Variants in VIRMA observed in about 807,000 individuals in gnomAD.
VIRMA encodes the protein protein virilizer homolog.
VIRMA carries 65 observed loss-of-function variants against 182.4 expected under a neutral mutation model. That is an observed-to-expected ratio of 0.36 (90% CI 0.29 to 0.44). The LOEUF is 0.44. Ranked by LOEUF, VIRMA falls within the 20% of genes least tolerant of loss-of-function variation. VIRMA has a pLI of 1.00. For missense variants in VIRMA, 1,752 were observed against 2,158.1 expected, an observed-to-expected ratio of 0.81 and a Z score of 3.73; for synonymous variants, 709 against 743.1, an observed-to-expected ratio of 0.95 and a Z score of 0.75.
At chr8:94,532,043 T>C (rs1053052885) in intron 5 of VIRMA, among the ~76,000 whole-genome samples, 11 of 152,160 alleles carry the variant, frequency 7.2e-5, no homozygotes, top group African/African-American at 2.7e-4. Context: ...AATAGGGCTA[T>C]AAAGGGGTAA....
intron 7 of VIRMA, among the ~76,000 whole-genome samples, chr8:94,528,747 T>G (rs1372112257): frequency 6.6e-6 from 1 of 152,202 alleles, no homozygotes; most frequent in Non-Finnish European, 1.5e-5. Flanking sequence ...CTAACCAACA[T>G]GTATTTGTTA....
At chr8:94,520,274 C>T (rs1814717106) in intron 8 of VIRMA, among the ~76,000 whole-genome samples, 1 of 150,786 alleles carries the variant, frequency 6.6e-6, no homozygotes, top group Non-Finnish European at 1.5e-5. Context: ...GCTGGAGGAT[C>T]ACTTGAGCGC....
intron 10 of VIRMA, among the ~76,000 whole-genome samples, chr8:94,517,139 T>A (rs1814587276): frequency 6.6e-6 from 1 of 152,256 alleles, no homozygotes; most frequent in Non-Finnish European, 1.5e-5. Flanking sequence ...AGTTGTAGTT[T>A]GTGTTTTATG....
intron 1 of VIRMA, among the ~76,000 whole-genome samples, chr8:94,552,127 G>A (rs926135059): frequency 2.6e-5 from 4 of 152,226 alleles, no homozygotes; most frequent in African/African-American, 9.6e-5. Flanking sequence ...GTTAGATATA[G>A]TCATTGAACA....
At chr8:94,542,316 C>T (rs566961496) in intron 2 of VIRMA, among the ~76,000 whole-genome samples, 6 of 152,294 alleles carry the variant, frequency 3.9e-5, no homozygotes, top group Middle Eastern at 3.4e-3. Context: ...TGTCATGACA[C>T]GAACAAGCCC....
intron 1 of VIRMA, among the ~76,000 whole-genome samples, chr8:94,550,504 G>T (rs1016154498): frequency 1.3e-5 from 2 of 152,102 alleles, no homozygotes; most frequent in African/African-American, 4.8e-5. Flanking sequence ...ATGTTAGCCA[G>T]GATGGTCTCG....
In VIRMA at chr8:94,543,826, C is replaced by A; in HGVS notation, c.179+1G>T. 1 of 1,510,918 alleles carries A rather than the reference C, an allele frequency of 6.6e-7. No homozygotes were observed. The highest frequency in any genetic ancestry group is 9.1e-7 in the Non-Finnish European group (1 of 1,095,586). The allele number at this position is 1,510,918 out of a possible 1,614,324, so 93.6% of individuals were successfully genotyped here. A position where few individuals can be genotyped will look rare whatever the true frequency, so the allele number is the denominator to read the frequency against. On this transcript the variant is annotated splice_donor_variant, in intron 2 of 23. Coordinates refer to ENST00000297591, the MANE Select transcript of VIRMA (RefSeq NM_015496.5). LOFTEE classifies it high-confidence loss of function. ...TACTTTTAAAAAGAGAGTTGACTTA[C>A]CCATATGCTCTATTGTCTGGCAGAC...
At chr8:94,490,796 G>A (rs1363367512) in intron 22 of VIRMA, among the ~76,000 whole-genome samples, 1 of 151,878 alleles carries the variant, frequency 6.6e-6, no homozygotes, top group African/African-American at 2.4e-5. Context: ...GCAGTGAGCC[G>A]AGATTGCGCC....
chr8:94,489,804 T>C, intron 23 of VIRMA, 135 bp downstream of exon 23: 1 of 933,696 alleles, frequency 1.1e-6, no homozygotes, highest in South Asian at 1.9e-5. Flanking sequence ...AAAGTTATAC[T>C]TAGATTTTTG....
intron 23 of VIRMA, among the ~76,000 whole-genome samples, 197 bp from the exon 24 acceptor site, chr8:94,489,057 T>C (rs1813534728): frequency 6.6e-6 from 1 of 152,230 alleles, no homozygotes; most frequent in Non-Finnish European, 1.5e-5. Flanking sequence ...ATGAGAATTA[T>C]ATCCTAAATA....
At chr8:94,496,630 T>C (rs1317322999) in intron 17 of VIRMA, 150 bp from the exon 18 acceptor site, 2 of 535,986 alleles carry the variant, frequency 3.7e-6, no homozygotes, top group African/African-American at 1.9e-5. Flanking sequence ...TTTAAGGATT[T>C]AGATGAAAGG....
rs552983918 is a variant in VIRMA, at chr8:94,546,258, A to G, written c.64-2316T>C. On this transcript the variant is annotated intron_variant, in intron 1 of 23. Coordinates refer to ENST00000297591, the MANE Select transcript of VIRMA (RefSeq NM_015496.5). The stretch of plus-strand genomic sequence containing the variant: ...CCTCTCTCCTGAGCCCCAGGCTACT[A>G]TATCCAACTGCCCACTCAGCCTCTC... Among the ~76,000 whole-genome samples the G allele has an allele frequency of 1.5e-3, 226 of 151,050 alleles. 1 individual carries two copies. Among genetic ancestry groups the G allele is most frequent in the Non-Finnish European group, 2.7e-3 (187 of 68,002 alleles).
intron 10 of VIRMA, 100 bp from the exon 11 acceptor site, chr8:94,515,051 G>A: frequency 1.8e-6 from 1 of 559,694 alleles, no homozygotes; most frequent in Middle Eastern, 5.1e-4. Flanking sequence ...GGTCCATGTT[G>A]ATTTCAATCA....
At chr8:94,506,461 A>G (rs1400532525) in intron 16 of VIRMA, 39 bp downstream of exon 16, 1 of 1,343,718 alleles carries the variant, frequency 7.4e-7, no homozygotes, top group Non-Finnish European at 1.0e-6. Flanking sequence ...GAATGAAAAA[A>G]TTAAATCTGA....
intron 8 of VIRMA, among the ~76,000 whole-genome samples, chr8:94,522,060 G>A (rs1814790493): frequency 6.6e-6 from 1 of 152,154 alleles, no homozygotes; most frequent in South Asian, 2.1e-4. Context: ...CTGAACACCT[G>A]CTTTCCTTCT....
At chr8:94,516,355 A>G (rs903646650) in intron 10 of VIRMA, among the ~76,000 whole-genome samples, 1 of 152,212 alleles carries the variant, frequency 6.6e-6, no homozygotes, top group Non-Finnish European at 1.5e-5. Context: ...AAAGAATGAC[A>G]GCAAACTTTG....
intron 5 of VIRMA, among the ~76,000 whole-genome samples, chr8:94,532,337 C>G (rs1290216078): frequency 6.6e-6 from 1 of 152,176 alleles, no homozygotes; most frequent in East Asian, 1.9e-4. Context: ...AAACTCCTGA[C>G]CTCAAGTGAT....
In VIRMA at chr8:94,506,603, C is replaced by A; in HGVS notation, c.3994G>T (p.Ala1332Ser). ...LMTSICDCLL[A>S]TLANSESSYN... ...CTGCTCTCAGAGTTAGCTAGCGTAGCCAACAGACAGTCACAGATTGAGGTC... is the reference window on the plus strand; with the variant it reads ...CTGCTCTCAGAGTTAGCTAGCGTAGACAACAGACAGTCACAGATTGAGGTC... Residue 1332 changes from alanine to serine, a missense_variant, in exon 16 of 24, where the codon GCT becomes TCT. Transcript: ENST00000297591. The A allele has an allele frequency of 1.2e-6, 2 of 1,613,636 alleles. No homozygotes were observed. The highest frequency in any genetic ancestry group is 1.7e-6 in the Non-Finnish European group (2 of 1,179,638).
chr8:94,523,456 C>T (rs1211695229), intron 8 of VIRMA, among the ~76,000 whole-genome samples: 1 of 152,228 alleles, frequency 6.6e-6, no homozygotes, highest in African/African-American at 2.4e-5. Flanking sequence ...GCTGCCCAGA[C>T]TGGAGTGCAG....
Sources: allele counts gnomAD v4.1 joint callset (sites outside exome capture counted in the v4.1 genomes callset), GRCh38; gene constraint gnomAD v4.1.1; transcripts MANE v1.5; gene names NCBI Gene and HGNC (gene_info 2026-07-23, HGNC 2026-07-21).